The following TMBIM4 variants were observed in gnomAD, a reference collection of about 807,000 sequenced individuals.
The protein encoded by TMBIM4 is transmembrane BAX inhibitor motif containing 4, also known as protein lifeguard 4.
A neutral mutation model predicts 27.7 loss-of-function variants in TMBIM4; 28 were observed. That is an observed-to-expected ratio of 1.01 (90% confidence interval 0.75 to 1.38). The LOEUF (loss-of-function observed/expected upper bound fraction) is 1.38. TMBIM4 is among the 40% of genes most tolerant of loss of function. The pLI is 0.00. For missense variants in TMBIM4, 265 were observed against 277.5 expected, an observed-to-expected ratio of 0.95 and a Z score of 0.32; for synonymous variants, 115 against 113.1, an observed-to-expected ratio of 1.02 and a Z score of -0.11.
rs1242399201 is a variant in TMBIM4, at chr12:66,160,107, A to AGAGTTGAGGAGCT, written c.98-6672_98-6660dup. 4.4e-6 allele frequency: 3 copies of AGAGTTGAGGAGCT among 674,760 alleles called. No homozygotes were observed. In the East Asian group the frequency reaches 8.1e-5, roughly 18 times the overall value. The allele number at this position is 674,760 out of a possible 1,614,324, so 41.8% of individuals were successfully genotyped here. On this transcript the variant is annotated intron_variant, in intron 1 of 6. Coordinates refer to ENST00000358230, the MANE Select transcript of TMBIM4 (RefSeq NM_016056.4). ...TCTACAACTGCTTTTGCACAATGGC[A>AGAGTTGAGGAGCT]GAGTTGAGGAGCTGCAACAGATATC...
At chr12:66,152,433 T>G in intron 2 of TMBIM4, 57 bp from the exon 3 acceptor site, 1 of 1,166,268 alleles carries the variant, frequency 8.6e-7, no homozygotes, top group Admixed American at 2.2e-5. Flanking sequence ...TGAGCAGTAT[T>G]ATCAAATTTA....
Position 66,145,937 on chromosome 12 carries a change from A to C in TMBIM4, c.368T>G (p.Ile123Ser). ...AVVVTFYDVY[I>S]ILQAFILTTT... ...AGTCAGTATGAAAGCTTGCAGAATA[A>C]TATATACATCATAGAAAGTAACTGT... Residue 123 changes from isoleucine (I) to serine (S), a missense_variant, in exon 5 of 7, where the codon ATT (isoleucine) becomes AGT (serine). By Grantham distance (142) the Ile-to-Ser change is moderately radical (BLOSUM62 -2). Coordinates refer to ENST00000358230, the MANE Select transcript of TMBIM4 (RefSeq NM_016056.4). 6.4e-7 allele frequency: 1 copy of C among 1,566,878 alleles called. No individual in the cohort carries two copies. The highest frequency in any genetic ancestry group is 8.8e-7 in the Non-Finnish European group (1 of 1,139,110).
chr12:66,138,599 A>G (rs1283145338), intron 6 of TMBIM4, 125 bp downstream of exon 6: 9 of 672,054 alleles, frequency 1.3e-5, no homozygotes, highest in Admixed American at 3.7e-5. Flanking sequence ...CATTCTATAT[A>G]CAAATGTTCT....
chr12:66,167,000 C>T (rs1370994833), intron 1 of TMBIM4, among the ~76,000 whole-genome samples: 1 of 152,134 alleles, frequency 6.6e-6, no homozygotes, highest in Non-Finnish European at 1.5e-5. Context: ...TGTAGAAAAC[C>T]TTAAACGCAT....
At chr12:66,163,151 T>C (rs1198915478) in intron 1 of TMBIM4, among the ~76,000 whole-genome samples, 1 of 152,238 alleles carries the variant, frequency 6.6e-6, no homozygotes, top group Non-Finnish European at 1.5e-5. Flanking sequence ...CTGCAATGGC[T>C]GCCATATTCT....
chr12:66,158,301 T>C (rs1330430000), intron 1 of TMBIM4, among the ~76,000 whole-genome samples: 1 of 151,252 alleles, frequency 6.6e-6, no homozygotes, highest in Non-Finnish European at 1.5e-5. Context: ...AGTATAATTG[T>C]AAAATCCTTA....
chr12:66,139,004 T>C lies in TMBIM4; in HGVS notation c.465-235A>G, dbSNP rs555650798. ...TTGTCTTTATGGTATACAAACCTAG[T>C]TAACAGTATAATTTGTGAAGTTTTG... On this transcript the variant is annotated intron_variant, in intron 5 of 6. Coordinates refer to ENST00000358230, the MANE Select transcript of TMBIM4 (RefSeq NM_016056.4). 4.2e-4 allele frequency: 169 copies of C among 406,764 alleles called. 1 individual carries two copies. In the South Asian group the frequency reaches 0.011, roughly 26 times the overall value. The allele number at this position is 406,764 out of a possible 1,614,324, so 25.2% of individuals were successfully genotyped here.
chr12:66,164,262 A>C (rs138259020), intron 1 of TMBIM4, among the ~76,000 whole-genome samples: 1 of 152,272 alleles, frequency 6.6e-6, no homozygotes, highest in Admixed American at 6.5e-5. Context: ...TGGCAAATCC[A>C]TTTTCTTAGA....
chr12:66,156,713 G>A (rs1359130665), intron 1 of TMBIM4, among the ~76,000 whole-genome samples: 1 of 152,154 alleles, frequency 6.6e-6, no homozygotes, highest in African/African-American at 2.4e-5. Context: ...TCTCATCTCA[G>A]CACTCTCTCT....
At chr12:66,140,896 A>C (rs2051657284) in intron 5 of TMBIM4, among the ~76,000 whole-genome samples, 1 of 152,320 alleles carries the variant, frequency 6.6e-6, no homozygotes, top group East Asian at 1.9e-4. Flanking sequence ...TGTGTGGAGG[A>C]AACATATACA....
At position 66,137,977 on chromosome 12, in the gene TMBIM4, C is replaced by T; in HGVS notation, c.700G>A (p.Ala234Thr). The part of the protein sequence containing the change: ...LFLHLLRFLE[A>T]VNKK ...ACTTTTAATTACTTTTTATTAACTG[C>T]TTCCAGAAACCGTAACAGGTGCAGG... The change falls in exon 7 of 7, where the codon GCA (alanine) becomes ACA (threonine). Residue 234 changes from alanine (A) to threonine (T), a missense_variant. Transcript: ENST00000358230. The T allele has an allele frequency of 6.2e-7, 1 of 1,613,056 alleles. No individual in the cohort carries two copies. The highest frequency in any genetic ancestry group is 1.1e-5 in the South Asian group (1 of 90,756).
intron 5 of TMBIM4, among the ~76,000 whole-genome samples, chr12:66,143,406 T>C (rs185163883): frequency 5.9e-4 from 90 of 152,258 alleles, no homozygotes; most frequent in Non-Finnish European, 9.1e-4. Flanking sequence ...ACTGACTTTC[T>C]AGGAAAGAAA....
At chr12:66,168,393 G>A (rs2052170267) in intron 1 of TMBIM4, among the ~76,000 whole-genome samples, 1 of 152,144 alleles carries the variant, frequency 6.6e-6, no homozygotes, top group Non-Finnish European at 1.5e-5. Flanking sequence ...GGGGAAGGAA[G>A]GAATGGGGAG....
intron 1 of TMBIM4, among the ~76,000 whole-genome samples, chr12:66,163,927 C>T (rs1280222663): frequency 6.6e-6 from 1 of 152,072 alleles, no homozygotes; most frequent in Non-Finnish European, 1.5e-5. Context: ...TGAAAATCCT[C>T]GACAAAATAC....
chr12:66,169,057 G>T (rs1333309518), intron 1 of TMBIM4: 1 of 382,982 alleles, frequency 2.6e-6, no homozygotes, highest in Non-Finnish European at 4.7e-6. Flanking sequence ...TCCTTTTCCA[G>T]AACAAGTTCT....
intron 3 of TMBIM4, among the ~76,000 whole-genome samples, chr12:66,150,791 G>C (rs1323073448): frequency 1.3e-5 from 2 of 152,122 alleles, no homozygotes; most frequent in Non-Finnish European, 1.5e-5. Context: ...AATGACTCTG[G>C]GGGCAAACAA....
intron 3 of TMBIM4, among the ~76,000 whole-genome samples, chr12:66,150,377 T>TCTTC (rs530234822): frequency 2.1e-3 from 322 of 151,954 alleles, no homozygotes; most frequent in Non-Finnish European, 3.4e-3. Context: ...CTCTCTCCTT[T>TCTTC]CTTCCTTCCT....
chr12:66,149,539 T>C (rs2051810603), intron 3 of TMBIM4, among the ~76,000 whole-genome samples: 1 of 151,946 alleles, frequency 6.6e-6, no homozygotes, highest in South Asian at 2.1e-4. Context: ...GACAAGATTT[T>C]AGGAAAGAAA....
Position 66,137,997 on chromosome 12 carries a change from T to C in TMBIM4, c.680A>G (p.His227Arg). ...AACTGCTTCCAGAAACCGTAACAGG[T>C]GCAGGAATAGATTGATGATATCCAA... is the stretch of plus-strand genomic sequence containing the variant. The part of the protein sequence containing the change: ...LYLDIINLFL[H>R]LLRFLEAVNK... The change falls in exon 7 of 7, where the codon CAC (histidine) becomes CGC (arginine). Residue 227 changes from histidine to arginine, a missense_variant. Coordinates refer to ENST00000358230, the MANE Select transcript of TMBIM4 (RefSeq NM_016056.4). 1 of 1,614,078 alleles carries C rather than the reference T, an allele frequency of 6.2e-7. No homozygotes were observed. Among genetic ancestry groups the C allele is most frequent in the Non-Finnish European group, 8.5e-7 (1 of 1,180,014 alleles).
Sources: allele counts gnomAD v4.1 joint callset (sites outside exome capture counted in the v4.1 genomes callset), GRCh38; gene constraint gnomAD v4.1.1; transcripts MANE v1.5; gene names NCBI Gene and HGNC (gene_info 2026-07-23, HGNC 2026-07-21).